SGCG: variants seen among roughly 807,000 people sequenced by gnomAD.
SGCG encodes sarcoglycan gamma.
In SGCG, 26 loss-of-function variants were observed where a neutral mutation model predicts 29.3. That is an observed-to-expected ratio of 0.89 (90% CI 0.65 to 1.23). The LOEUF is 1.23. SGCG is among the 50% of genes most tolerant of loss of function. The pLI is 0.00. For missense variants in SGCG, 353 were observed against 356.0 expected (o/e 0.99, Z 0.07); for synonymous variants, 145 against 129.7 (o/e 1.12, Z -0.80).
chr13:23,287,414 T>C (rs1375899712), intron 5 of SGCG, among the ~76,000 whole-genome samples: 1 of 149,012 alleles, frequency 6.7e-6, no homozygotes, highest in Non-Finnish European at 1.5e-5. Context: ...CTGAATGAAT[T>C]CTGCCAACAC....
intron 2 of SGCG, among the ~76,000 whole-genome samples, chr13:23,204,584 T>G (rs1877904859): frequency 4.2e-4 from 1 of 2,394 alleles, no homozygotes; most frequent in African/African-American, 9.3e-4. Context: ...CACAGGCTCT[T>G]TCTTTTCTTT....
intron 2 of SGCG, among the ~76,000 whole-genome samples, chr13:23,228,690 G>A (rs1286565056): frequency 6.6e-6 from 1 of 151,944 alleles, no homozygotes; most frequent in Non-Finnish European, 1.5e-5. Flanking sequence ...TCATTATTTA[G>A]CTCCCACTTA....
At chr13:23,162,957 AAGAT>A in the SGCG span, among the ~76,000 whole-genome samples, 3 of 152,236 alleles carry the variant, frequency 2.0e-5, no homozygotes, top group Non-Finnish European at 2.9e-5. Flanking sequence ...TTAACTAAAA[AAGAT>A]AAAGATAATT....
intron 1 of SGCG, among the ~76,000 whole-genome samples, chr13:23,187,299 G>A (rs1192755515): frequency 6.6e-6 from 1 of 152,108 alleles, no homozygotes; most frequent in East Asian, 1.9e-4. Context: ...TGCCCAATAG[G>A]TCCATCCACA....
chr13:23,174,207 T>C, the SGCG span, among the ~76,000 whole-genome samples: 5 of 152,094 alleles, frequency 3.3e-5, no homozygotes, highest in East Asian at 9.6e-4. Flanking sequence ...AAGAGAACAC[T>C]GACACCTACT....
upstream of SGCG, among the ~76,000 whole-genome samples, chr13:23,178,228 G>A: frequency 6.6e-6 from 1 of 152,156 alleles, no homozygotes; most frequent in East Asian, 1.9e-4. Context: ...AATAGGTGAT[G>A]CCAGAGAAGG....
chr13:23,219,870 C>T (rs1448528278), intron 2 of SGCG, among the ~76,000 whole-genome samples: 1 of 121,120 alleles, frequency 8.3e-6, no homozygotes, highest in Non-Finnish European at 1.6e-5. Context: ...CTCGCTCTGT[C>T]GCCCAGGCTG....
chr13:23,210,703 A>T (rs1189352632), intron 2 of SGCG, among the ~76,000 whole-genome samples: 1 of 152,230 alleles, frequency 6.6e-6, no homozygotes, highest in South Asian at 2.1e-4. Context: ...AAAATAAAAA[A>T]TAAATAGATT....
intron 4 of SGCG, among the ~76,000 whole-genome samples, chr13:23,270,120 C>T (rs1054299287): frequency 2.6e-5 from 4 of 152,024 alleles, no homozygotes; most frequent in African/African-American, 7.2e-5. Flanking sequence ...GTGATCCACC[C>T]GCCTCGGCCT....
At chr13:23,212,483 G>A (rs1878264909) in intron 2 of SGCG, among the ~76,000 whole-genome samples, 1 of 152,004 alleles carries the variant, frequency 6.6e-6, no homozygotes. Context: ...TATTTCTTGA[G>A]TTGATAAATA....
intron 6 of SGCG, among the ~76,000 whole-genome samples, chr13:23,304,593 C>CT (rs568249004): frequency 3.0e-3 from 430 of 144,722 alleles, no homozygotes; most frequent in Middle Eastern, 3.6e-3. Context: ...ACTAAATAGG[C>CT]TTTTTTTTTT....
chr13:23,312,097 C>T (rs518727), intron 6 of SGCG, among the ~76,000 whole-genome samples: 88,206 of 152,098 alleles, frequency 0.58, 26,431 homozygotes, highest in African/African-American at 0.73. Context: ...TCTTCTTTGG[C>T]TCCAAGTAAT....
At chr13:23,237,429 G>T (rs780778134) in intron 3 of SGCG, among the ~76,000 whole-genome samples, 7 of 152,202 alleles carry the variant, frequency 4.6e-5, no homozygotes, top group Admixed American at 1.3e-4. Context: ...CAGTGTGACA[G>T]GGACCAAAAG....
Position 23,250,648 on chromosome 13 carries a change from C to G in SGCG, c.316C>G (p.Gln106Glu). The G allele has an allele frequency of 6.2e-7, 1 of 1,611,152 alleles. No homozygotes were observed. The highest frequency in any genetic ancestry group is 8.5e-7 in the Non-Finnish European group (1 of 1,177,344). ...HSRVDSSLLL[Q>E]STQNVTVNAR... ...TTTCTAGGACTCATCTCTGCTTCTACAATCAACCCAGAATGTGACTGTAAA... is the reference window on the plus strand; with the variant it reads ...TTTCTAGGACTCATCTCTGCTTCTAGAATCAACCCAGAATGTGACTGTAAA... The change falls in exon 4 of 8, where the codon CAA (glutamine) becomes GAA (glutamate). Residue 106 changes from glutamine (Q) to glutamate (E), a missense_variant. Coordinates refer to ENST00000218867, the MANE Select transcript of SGCG (RefSeq NM_000231.3).
rs539073081 is a variant in SGCG at position 23,261,824 on chromosome 13, A to G, written c.385+11107A>G. Among the ~76,000 whole-genome samples the G allele has an allele frequency of 2.8e-4, 42 of 152,242 alleles. 1 individual carries two copies. Among genetic ancestry groups the G allele is most frequent in the Middle Eastern group, 3.4e-3 (1 of 294 alleles). On this transcript the variant is annotated intron_variant, in intron 4 of 7. Transcript: ENST00000218867. ...CAGCAAATTTCTTAGCAGAAACCTT[A>G]CAAGTCAGAAAGGATTGGGGTACTA...
intron 4 of SGCG, among the ~76,000 whole-genome samples, chr13:23,278,312 G>A (rs1417123616): frequency 2.0e-5 from 3 of 151,998 alleles, no homozygotes; most frequent in Non-Finnish European, 2.9e-5. Flanking sequence ...GCGTGGTGGC[G>A]CATGCCTGTA....
intron 4 of SGCG, among the ~76,000 whole-genome samples, chr13:23,258,167 T>G (rs970100770): frequency 1.3e-5 from 2 of 152,228 alleles, no homozygotes; most frequent in East Asian, 3.8e-4. Context: ...TATTGATTCT[T>G]CCTATCCATG....
chr13:23,273,025 G>A (rs1880926432), intron 4 of SGCG, among the ~76,000 whole-genome samples: 1 of 151,698 alleles, frequency 6.6e-6, no homozygotes, highest in Non-Finnish European at 1.5e-5. Flanking sequence ...TATTTATTTT[G>A]CTAATTTTCT....
the SGCG span, among the ~76,000 whole-genome samples, chr13:23,162,448 C>A: frequency 6.6e-6 from 1 of 152,092 alleles, no homozygotes; most frequent in African/African-American, 2.4e-5. Flanking sequence ...GGTGAAACCC[C>A]GTGTCTACTA....
Sources: allele counts gnomAD v4.1 joint callset (sites outside exome capture counted in the v4.1 genomes callset), GRCh38; gene constraint gnomAD v4.1.1; transcripts MANE v1.5; gene names NCBI Gene and HGNC (gene_info 2026-07-23, HGNC 2026-07-21).